Variants in CATSPERE observed in about 807,000 individuals in gnomAD.
CATSPERE encodes catsper channel auxiliary subunit epsilon.
A neutral mutation model predicts 114.1 loss-of-function variants in CATSPERE; 93 were observed. That is an observed-to-expected ratio of 0.81 (90% CI 0.69 to 0.97). CATSPERE has a LOEUF of 0.97. Ranked by LOEUF, CATSPERE falls within the 50% of genes least tolerant of loss-of-function variation. The pLI is 0.00. For synonymous variants in CATSPERE, 341 were observed against 384.1 expected, an observed-to-expected ratio of 0.89 and a Z score of 1.31; for missense variants, 1,058 against 1,131.6, an observed-to-expected ratio of 0.93 and a Z score of 0.93.
At chr1:244,527,184 A>G (rs1678772172) in intron 8 of CATSPERE, among the ~76,000 whole-genome samples, 1 of 152,122 alleles carries the variant, frequency 6.6e-6, no homozygotes, top group Non-Finnish European at 1.5e-5. Flanking sequence ...ATTAGGGGGT[A>G]ATTTCCTCGT....
intron 7 of CATSPERE, among the ~76,000 whole-genome samples, chr1:244,499,590 G>A (rs974362330): frequency 5.4e-5 from 8 of 148,392 alleles, no homozygotes; most frequent in East Asian, 2.0e-4. Context: ...AAGAACATGT[G>A]GTGTTTGGTT....
At chr1:244,517,091 T>C (rs1356635258) in intron 7 of CATSPERE, among the ~76,000 whole-genome samples, 1 of 152,106 alleles carries the variant, frequency 6.6e-6, no homozygotes, top group Non-Finnish European at 1.5e-5. Context: ...CAGTAACCTG[T>C]ACTTGGTAAA....
Position 244,504,116 on chromosome 1 carries a change from T to G in CATSPERE, c.429+5037T>G, listed in dbSNP as rs1208341201. 6.6e-6 allele frequency among the ~76,000 whole-genome samples: 1 copy of G among 152,192 alleles called. No individual in the cohort carries two copies. The highest frequency in any genetic ancestry group is 1.5e-5 in the Non-Finnish European group (1 of 68,034). ...GAATGTAAAACCAATGTGGGACAGT[T>G]AAATATTCCTCTGTTCACCATGTTT... On this transcript the variant is annotated intron_variant, in intron 7 of 21. Coordinates refer to ENST00000366534, the MANE Select transcript of CATSPERE (RefSeq NM_001130957.2). The surrounding 1 kb of genome is among the most constrained non-coding windows in gnomAD (Gnocchi z 4.1).
At chr1:244,616,490 G>T (rs1257715928) in intron 19 of CATSPERE, among the ~76,000 whole-genome samples, 1 of 152,208 alleles carries the variant, frequency 6.6e-6, no homozygotes, top group Admixed American at 6.5e-5. Flanking sequence ...TGATTCTGGA[G>T]GGTGGGAAGT....
chr1:244,469,642 C>CA (rs1323632668), intron 2 of CATSPERE, among the ~76,000 whole-genome samples: 7 of 152,026 alleles, frequency 4.6e-5, no homozygotes, highest in African/African-American at 1.7e-4. Context: ...AGGAATCTAA[C>CA]AAAAAACTAT....
chr1:244,518,011 A>T (rs3124068), intron 7 of CATSPERE, among the ~76,000 whole-genome samples: 1 of 152,178 alleles, frequency 6.6e-6, no homozygotes, highest in Non-Finnish European at 1.5e-5. Context: ...AGCCCTCATC[A>T]TCTGATTTTT....
chr1:244,466,792 C>T (rs1347454786), intron 2 of CATSPERE, among the ~76,000 whole-genome samples: 1 of 152,124 alleles, frequency 6.6e-6, no homozygotes, highest in Admixed American at 6.5e-5. Flanking sequence ...AAATAGGTGC[C>T]CATGTCACAA....
chr1:244,615,997 C>T (rs2148705083), intron 19 of CATSPERE, among the ~76,000 whole-genome samples: 1 of 149,904 alleles, frequency 6.7e-6, no homozygotes, highest in South Asian at 2.1e-4. Flanking sequence ...GGCATGGTGG[C>T]ACATGCCTGT....
In CATSPERE at chr1:244,605,794, G is replaced by A; in HGVS notation, c.2403G>A (p.Gln801=). Residue 801 remains glutamine (Q), a splice_region_variant and synonymous_variant, in exon 18 of 22, where the codon CAG becomes CAA. Transcript: ENST00000366534. ...DDYSFNNTMA[Q]SGCLHEAQTW... ...ATAGCTTTAATAATACTATGGCACA[G>A]GTATGGCATCTTTGGATTTAACCAG... is the stretch of plus-strand genomic sequence containing the variant. The A allele has an allele frequency of 6.3e-7, 1 of 1,593,520 alleles. No individual in the cohort carries two copies. Among genetic ancestry groups the A allele is most frequent in the Non-Finnish European group, 8.6e-7 (1 of 1,165,820 alleles).
intron 17 of CATSPERE, among the ~76,000 whole-genome samples, chr1:244,601,868 C>T (rs1204334949): frequency 6.6e-6 from 1 of 152,040 alleles, no homozygotes. Context: ...GCAGGAGAAT[C>T]GCTTGAACCC....
At chr1:244,619,901 G>A (rs1220994997) in intron 20 of CATSPERE, among the ~76,000 whole-genome samples, 1 of 152,150 alleles carries the variant, frequency 6.6e-6, no homozygotes, top group Non-Finnish European at 1.5e-5. Context: ...ATTAGAAACA[G>A]GGTAAGCATA....
At position 244,490,436 on chromosome 1, in the gene CATSPERE, T is replaced by C; in HGVS notation, c.327-11T>C. On this transcript the variant is annotated splice_polypyrimidine_tract_variant and intron_variant, in intron 5 of 21. Coordinates refer to ENST00000366534, the MANE Select transcript of CATSPERE (RefSeq NM_001130957.2). ...TGTTTACTAAAATATGTTTCCTCTT[T>C]TTCCAAGCAGACATTTCTTTAACAA... The C allele has an allele frequency of 1.3e-6, 2 of 1,539,352 alleles. No homozygotes were observed. Among genetic ancestry groups the C allele is most frequent in the South Asian group, 1.1e-5 (1 of 87,030 alleles).
intron 7 of CATSPERE, among the ~76,000 whole-genome samples, chr1:244,516,174 C>G (rs3003279): frequency 0.13 from 19,561 of 151,330 alleles, 2,186 homozygotes; most frequent in African/African-American, 0.3. Context: ...CTGGGTGACA[C>G]AGTAAGACCT....
At chr1:244,565,994 G>C (rs978338836) in intron 10 of CATSPERE, among the ~76,000 whole-genome samples, 4 of 151,486 alleles carry the variant, frequency 2.6e-5, no homozygotes, top group African/African-American at 9.7e-5. Context: ...CACTGCTTTA[G>C]CTCTGTCCCA....
chr1:244,548,187 G>C lies in CATSPERE; in HGVS notation c.537-4135G>C, dbSNP rs189182064. On this transcript the variant is annotated intron_variant, in intron 8 of 21. Transcript: ENST00000366534. Reference sequence around the variant, plus strand: ...AGAAGATTTAACAATTAAATGGATAGGATGACCCATTCTGTGGATTCCAGT... The same window carrying C: ...AGAAGATTTAACAATTAAATGGATACGATGACCCATTCTGTGGATTCCAGT... 1.5e-3 allele frequency among the ~76,000 whole-genome samples: 236 copies of C among 152,360 alleles called. 2 individuals are homozygous for C. Among genetic ancestry groups the C allele is most frequent in the Non-Finnish European group, 1.5e-3 (101 of 68,036 alleles).
intron 8 of CATSPERE, among the ~76,000 whole-genome samples, chr1:244,546,581 A>T (rs2148478903): frequency 6.6e-6 from 1 of 152,368 alleles, no homozygotes; most frequent in African/African-American, 2.4e-5. Flanking sequence ...GAAAATACAG[A>T]GAAACAGTTC....
chr1:244,465,774 G>T (rs1291319920), intron 2 of CATSPERE, among the ~76,000 whole-genome samples: 3 of 152,176 alleles, frequency 2.0e-5, no homozygotes, highest in Non-Finnish European at 4.4e-5. Context: ...CTGAGATTTT[G>T]ATTGGGATTG....
intron 11 of CATSPERE, among the ~76,000 whole-genome samples, 198 bp from the exon 12 acceptor site, chr1:244,581,598 G>T (rs149085858): frequency 1.3e-5 from 2 of 151,962 alleles, no homozygotes; most frequent in Non-Finnish European, 2.9e-5. Flanking sequence ...TTATATTTGC[G>T]TACTTGCTTT....
rs144041776 is a variant in CATSPERE, at chr1:244,555,074, A to G, written c.1029+2260A>G. On this transcript the variant is annotated intron_variant, in intron 9 of 21. Transcript: ENST00000366534. Reference sequence around the variant, plus strand: ...ACAGAAAAAGCATGTGATAAATTCAACATCCCTTCATGATAAAAATTCAAC... The same window carrying G: ...ACAGAAAAAGCATGTGATAAATTCAGCATCCCTTCATGATAAAAATTCAAC... Among the ~76,000 whole-genome samples, 1,432 of 152,280 alleles carry G rather than the reference A, an allele frequency of 9.4e-3. 9 individuals are homozygous for G. Among genetic ancestry groups the G allele is most frequent in the Middle Eastern group, 0.014 (4 of 294 alleles).
Sources: allele counts gnomAD v4.1 joint callset (sites outside exome capture counted in the v4.1 genomes callset), GRCh38; gene constraint gnomAD v4.1.1; non-coding constraint Gnocchi (gnomAD v3.1); transcripts MANE v1.5; gene names NCBI Gene and HGNC (gene_info 2026-07-23, HGNC 2026-07-21).